RNF17: variants seen among roughly 807,000 people sequenced by gnomAD.
The protein encoded by RNF17 is ring finger protein 17, also known as spermatogenesis associated 23.
RNF17 carries 31 observed loss-of-function variants against 200.5 expected under a neutral mutation model. That is an observed-to-expected ratio of 0.15 (90% confidence interval 0.12 to 0.21). The LOEUF (loss-of-function observed/expected upper bound fraction) is 0.21. RNF17 is among the 10% of genes least tolerant of loss of function. The pLI is 1.00. For synonymous variants in RNF17, 606 were observed against 637.8 expected (o/e 0.95, Z 0.75); for missense variants, 1,628 against 1,905.1 (o/e 0.85, Z 2.71).
At chr13:24,839,079 C>CA (rs1313501261) in intron 18 of RNF17, among the ~76,000 whole-genome samples, 35 of 151,274 alleles carry the variant, frequency 2.3e-4, no homozygotes, top group South Asian at 1.5e-3. Context: ...ACAATAGCTG[C>CA]AAAAAAATAA....
chr13:24,826,187 G>T (rs1888610980), intron 16 of RNF17: 1 of 673,602 alleles, frequency 1.5e-6, no homozygotes, highest in Non-Finnish European at 1.8e-6. Flanking sequence ...TGACTGAACT[G>T]CTAGTTTTCT....
At chr13:24,807,786 G>GT (rs1886071092) in intron 15 of RNF17, among the ~76,000 whole-genome samples, 1 of 151,882 alleles carries the variant, frequency 6.6e-6, no homozygotes, top group Non-Finnish European at 1.5e-5. Context: ...TAGGTCTAAC[G>GT]TTTAAGTCTT....
chr13:24,887,970 G>A, the RNF17 span, among the ~76,000 whole-genome samples: 2 of 152,172 alleles, frequency 1.3e-5, no homozygotes, highest in Non-Finnish European at 2.9e-5. Context: ...GAAAAGCCAC[G>A]GGCTCCACAG....
intron 2 of RNF17, among the ~76,000 whole-genome samples, chr13:24,769,954 C>T (rs566751339): frequency 4.5e-4 from 68 of 152,050 alleles, no homozygotes; most frequent in Non-Finnish European, 8.5e-4. Flanking sequence ...TGTAATTTTG[C>T]ACAGCAAAAT....
At chr13:24,877,769 A>G (rs753927172) in intron 34 of RNF17, among the ~76,000 whole-genome samples, 4 of 152,226 alleles carry the variant, frequency 2.6e-5, no homozygotes, top group Non-Finnish European at 1.5e-5. Flanking sequence ...TAATCTCATA[A>G]TTGTACTACT....
chr13:24,767,839 T>G (rs1879959873), intron 2 of RNF17, among the ~76,000 whole-genome samples: 1 of 152,200 alleles, frequency 6.6e-6, no homozygotes, highest in African/African-American at 2.4e-5. Context: ...TTCTATCCAT[T>G]TTATAATTGT....
At chr13:24,764,694 G>A (rs997369006) in intron 1 of RNF17, among the ~76,000 whole-genome samples, 1 of 152,178 alleles carries the variant, frequency 6.6e-6, no homozygotes, top group Non-Finnish European at 1.5e-5. Flanking sequence ...AAGAAGGAAC[G>A]AAACTTGATT....
At chr13:24,875,372 T>C (rs755905392) in intron 33 of RNF17, among the ~76,000 whole-genome samples, 1 of 152,186 alleles carries the variant, frequency 6.6e-6, no homozygotes, top group Admixed American at 6.5e-5. Flanking sequence ...TAAGATGATG[T>C]TGAAGATGAA....
rs753733648 is a variant in RNF17 at position 24,793,208 on chromosome 13, G to T, written c.1102G>T (p.Asp368Tyr). The T allele has an allele frequency of 6.2e-7, 1 of 1,614,082 alleles. No homozygotes were observed. Residue 368 changes from aspartate to tyrosine, a missense_variant, in exon 10 of 36, where the codon GAT becomes TAT. Around this residue, in one of 5 missense-constraint regions of RNF17, gnomAD observed 502 missense variants for 501.7 expected, o/e 1.00. Coordinates refer to ENST00000255324, the MANE Select transcript of RNF17 (RefSeq NM_031277.3). ...ACCTCCTTTGCAACCTGAGACAAAT[G>T]ATGTACATTTAGAAGCAAAAAACTT... The part of the protein sequence containing the change: ...PPPPLQPETN[D>Y]VHLEAKNFQP...
At chr13:24,788,486 TA>T (rs1487894459) in intron 7 of RNF17, among the ~76,000 whole-genome samples, 8 of 152,002 alleles carry the variant, frequency 5.3e-5, no homozygotes, top group Admixed American at 1.3e-4. Flanking sequence ...GACACCCGAT[TA>T]AAAAAATGAG....
At chr13:24,755,650 GT>G in the RNF17 span, among the ~76,000 whole-genome samples, 3 of 152,114 alleles carry the variant, frequency 2.0e-5, no homozygotes, top group South Asian at 2.1e-4. Flanking sequence ...AAAGGATTAG[GT>G]TTGGTTTTAT....
Position 24,845,021 on chromosome 13 carries a change from G to C in RNF17, c.3043G>C (p.Glu1015Gln), listed in dbSNP as rs1187018462. 6.2e-7 allele frequency: 1 copy of C among 1,608,496 alleles called. No homozygotes were observed. The change falls in exon 22 of 36, where the codon GAA becomes CAA. Residue 1015 changes from glutamate to glutamine, a missense_variant. Glu to Gln is a conservative substitution (Grantham distance 29, BLOSUM62 2). Around this residue, in one of 5 missense-constraint regions of RNF17, gnomAD observed 227 missense variants for 319.8 expected, o/e 0.71. Transcript: ENST00000255324. ...GAATGTTGACTGTTTAAGAAAACTT[G>C]AAGAAAATCTAAAGACAATGGGAAG... is the stretch of plus-strand genomic sequence containing the variant. ...VVNVDCLRKL[E>Q]ENLKTMGRLS...
chr13:24,840,509 T>C (rs71431711), intron 18 of RNF17, among the ~76,000 whole-genome samples: 21,789 of 143,380 alleles, frequency 0.15, 2,052 homozygotes, highest in Admixed American at 0.27. Context: ...ATAAAGAAAC[T>C]GTGATTTATA....
chr13:24,800,416 C>T lies in RNF17; in HGVS notation c.1640C>T (p.Ala547Val). 6.2e-7 allele frequency: 1 copy of T among 1,612,410 alleles called. No homozygotes were observed. Among genetic ancestry groups the T allele is most frequent in the Non-Finnish European group, 8.5e-7 (1 of 1,178,890 alleles). The part of the protein sequence containing the change: ...RPEHSAKQHI[A>V]LNDLCLVLRK... ...GAACACTCTGCTAAGCAACATATTGCACTAAATGATTTATGTCTGGTTCTA... is the reference window on the plus strand; with the variant it reads ...GAACACTCTGCTAAGCAACATATTGTACTAAATGATTTATGTCTGGTTCTA... Residue 547 changes from alanine to valine, a missense_variant, in exon 13 of 36, where the codon GCA becomes GTA. Physicochemically the swap from Ala to Val is moderately conservative, Grantham distance 64. This residue lies in a region of RNF17 where 289 missense variants were observed against 384.9 expected (regional missense o/e 0.75). Coordinates refer to ENST00000255324, the MANE Select transcript of RNF17 (RefSeq NM_031277.3).
At position 24,778,344 on chromosome 13, in the gene RNF17, A is replaced by G. The variant is rs1566121812; in HGVS notation, c.367A>G (p.Thr123Ala). The G allele has an allele frequency of 2.5e-6, 4 of 1,613,732 alleles. No individual in the cohort carries two copies. The highest frequency in any genetic ancestry group is 1.1e-5 in the South Asian group (1 of 91,066). The change falls in exon 4 of 36, where the codon ACT (threonine) becomes GCT (alanine). Residue 123 changes from threonine to alanine, a missense_variant. Thr to Ala is a moderately conservative substitution (Grantham distance 58). Coordinates refer to ENST00000255324, the MANE Select transcript of RNF17 (RefSeq NM_031277.3). The stretch of plus-strand genomic sequence containing the variant: ...TAAGAAGACTGCTGATCAGCTAACT[A>G]CTGGTTTAGAACGTTCAGCCTCCAC... Reference protein sequence around the residue: ...DFKKTADQLTTGLERSASTDK... With the variant: ...DFKKTADQLTAGLERSASTDK...
chr13:24,818,632 T>C (rs1024018288), intron 15 of RNF17, among the ~76,000 whole-genome samples: 10 of 152,176 alleles, frequency 6.6e-5, no homozygotes, highest in African/African-American at 2.4e-4. Context: ...CAATTTATAA[T>C]GTCCTTTCTC....
At chr13:24,760,555 G>C (rs1310322799), upstream of RNF17, among the ~76,000 whole-genome samples, 1 of 152,208 alleles carries the variant, frequency 6.6e-6, no homozygotes, top group African/African-American at 2.4e-5. Context: ...TACGTCACTG[G>C]TCTGGAGAAT....
chr13:24,824,173 G>A (rs1888388837), intron 15 of RNF17: 3 of 709,086 alleles, frequency 4.2e-6, no homozygotes, highest in African/African-American at 1.8e-5. Context: ...CTTGGTTACT[G>A]TAAACTTTGG....
At chr13:24,853,783 T>A in intron 24 of RNF17, 72 bp from the exon 25 acceptor site, 1 of 1,155,012 alleles carries the variant, frequency 8.7e-7, no homozygotes. Context: ...TCTGAATGAT[T>A]CTTTTTATGT....
Sources: gnomAD v4.1 joint callset for allele counts (sites outside exome capture counted in the v4.1 genomes callset) on GRCh38, gnomAD v4.1.1 for gene constraint, gnomAD v4.1.1 regional missense constraint, MANE v1.5 for transcripts, NCBI Gene and HGNC (gene_info 2026-07-23, HGNC 2026-07-21) for gene names.